The following ZFHX3 variants were observed in gnomAD, a reference collection of about 807,000 sequenced individuals.
The protein encoded by ZFHX3 is zinc finger homeobox protein 3.
Under a neutral mutation model 279.1 loss-of-function variants are expected in ZFHX3, and 42 were observed. The ratio of observed to expected loss-of-function variants is 0.15; its 90% CI spans 0.12 to 0.19. The LOEUF (loss-of-function observed/expected upper bound fraction) is 0.19. Among genes scored for constraint, ZFHX3 ranks in the 10% least tolerant of loss-of-function variants. The pLI is 1.00. For synonymous variants in ZFHX3, 2,293 were observed against 1,957.8 expected (o/e 1.17, Z -4.52); for missense variants, 4,981 against 4,754.0 (o/e 1.05, Z -1.40).
intron 7 of ZFHX3, among the ~76,000 whole-genome samples, chr16:73,107,943 C>T (rs909640876): frequency 2.0e-5 from 3 of 152,100 alleles, no homozygotes; most frequent in East Asian, 1.9e-4. Flanking sequence ...GGGCGGATCA[C>T]GAGGTCAGGA....
At chr16:73,839,775 G>A (rs983977381) in intron 1 of ZFHX3, among the ~76,000 whole-genome samples, 8 of 152,210 alleles carry the variant, frequency 5.3e-5, no homozygotes, top group Non-Finnish European at 8.8e-5. Flanking sequence ...CTAAGGGGAC[G>A]TGCTGCTGCC....
chr16:73,058,585 C>G (rs1223289278), exon 1 of ZFHX3: 1 of 240,164 alleles, frequency 4.2e-6, no homozygotes, highest in Non-Finnish European at 7.9e-6. Flanking sequence ...ACGGCGGCGG[C>G]GGCGGGAGCT....
intron 2 of ZFHX3, among the ~76,000 whole-genome samples, chr16:73,574,968 T>C (rs1261273525): frequency 2.0e-5 from 3 of 152,232 alleles, no homozygotes; most frequent in Non-Finnish European, 4.4e-5. Context: ...TTGTTCCATC[T>C]TTAAGTGTTT....
chr16:72,886,482 G>A lies in ZFHX3; in HGVS notation c.3448+3249C>T, dbSNP rs145646797. Among the ~76,000 whole-genome samples, 602 of 152,288 alleles carry A rather than the reference G, an allele frequency of 4.0e-3. 5 individuals are homozygous for A. The highest frequency in any genetic ancestry group is 0.033 in the Admixed American group (500 of 15,294). ...CACGGAAGCACTACATTCCAAAACA[G>A]GGAACTGTTTGTTCCAGGTCACCGA... On this transcript the variant is annotated intron_variant, in intron 4 of 9. Coordinates refer to ENST00000268489, the MANE Select transcript of ZFHX3 (RefSeq NM_006885.4).
chr16:73,067,144 C>T (rs1965765535), intron 8 of ZFHX3, among the ~76,000 whole-genome samples: 3 of 152,118 alleles, frequency 2.0e-5, no homozygotes, highest in South Asian at 4.1e-4. Flanking sequence ...TGGAGGGGTG[C>T]CTGTGCCTGC....
Position 73,333,802 on chromosome 16 carries a change from GACCAAAAAAAAAAA to G in ZFHX3, c.-1290-15480_-1290-15467del, listed in dbSNP as rs1240789511. On this transcript the variant is annotated intron_variant, in intron 3 of 17. Transcript: ENST00000641206. ...GTCAAAGGAAGTTTTCACCCCAAGA[GACCAAAAAAAAAAA>G]AAAAAAAAAAAAAAAGGTGGTCCCT... Among the ~76,000 whole-genome samples the G allele has an allele frequency of 1.6e-3, 69 of 42,232 alleles. 1 individual carries two copies. The South Asian group carries it at 0.061, about 37-fold the overall frequency. 27.7% of individuals were successfully genotyped at this position (42,232 alleles called of 152,430 possible). A position where few individuals can be genotyped will look rare whatever the true frequency, so the allele number is the denominator to read the frequency against.
chr16:73,778,231 A>G (rs1003158579), intron 1 of ZFHX3, among the ~76,000 whole-genome samples: 2 of 104,014 alleles, frequency 1.9e-5, no homozygotes, highest in Admixed American at 1.1e-4. Context: ...CTGTTGAAGG[A>G]GTGTTAAAAA....
chr16:73,658,238 A>T (rs978077072), intron 2 of ZFHX3, among the ~76,000 whole-genome samples: 6 of 152,214 alleles, frequency 3.9e-5, no homozygotes, highest in African/African-American at 9.6e-5. Flanking sequence ...TGGAAATTTT[A>T]AAAAATGTTT....
At position 72,958,825 on chromosome 16, in the gene ZFHX3, C is replaced by A; in HGVS notation, c.1321G>T (p.Gly441Ter). The A allele has an allele frequency of 6.2e-7, 1 of 1,614,162 alleles. No homozygotes were observed. ...SEGKDSGAAE[G>*]EKQEVGDGDC... ...CCGTCGCCCACTTCCTGCTTCTCTC[C>A]TTCTGCCGCCCCAGAGTCCTTGCCC... The change falls in exon 2 of 10, where the codon GGA becomes TGA. Residue 441 changes from glycine to a stop codon, truncating the protein, a stop_gained. Transcript: ENST00000268489. LOFTEE classifies it high-confidence loss of function.
chr16:72,798,818 C>G, intron 8 of ZFHX3, 104 bp from the exon 9 acceptor site: 1 of 1,447,440 alleles, frequency 6.9e-7, no homozygotes, highest in Non-Finnish European at 9.0e-7. Flanking sequence ...AACACAGAAT[C>G]TGATGATGAG....
intron 1 of ZFHX3, among the ~76,000 whole-genome samples, chr16:73,742,314 G>A (rs1597091021): frequency 6.6e-6 from 1 of 152,132 alleles, no homozygotes; most frequent in South Asian, 2.1e-4. Flanking sequence ...AAAGGATAGA[G>A]AGCCTGCAAG....
intron 4 of ZFHX3, among the ~76,000 whole-genome samples, chr16:72,864,056 G>A (rs2037952674): frequency 6.6e-6 from 1 of 152,188 alleles, no homozygotes; most frequent in East Asian, 1.9e-4. Context: ...GGCAGAGCTT[G>A]CAGTGAGCCG....
chr16:73,186,741 A>T (rs1413519070), intron 5 of ZFHX3, among the ~76,000 whole-genome samples: 1 of 152,194 alleles, frequency 6.6e-6, no homozygotes, highest in Non-Finnish European at 1.5e-5. Flanking sequence ...CAAGTTAAAA[A>T]AAATAGGGCA....
At chr16:73,624,284 C>A (rs1483208910) in intron 2 of ZFHX3, among the ~76,000 whole-genome samples, 1 of 152,120 alleles carries the variant, frequency 6.6e-6, no homozygotes, top group Non-Finnish European at 1.5e-5. Context: ...TTAGCTGTTT[C>A]AAATGCACCA....
At chr16:73,685,430 C>T (rs997829631) in intron 1 of ZFHX3, among the ~76,000 whole-genome samples, 27 of 152,304 alleles carry the variant, frequency 1.8e-4, no homozygotes, top group African/African-American at 6.0e-4. Flanking sequence ...AGGCCATGAG[C>T]CAAGGAATAC....
chr16:73,422,357 A>C (rs1045031581), intron 3 of ZFHX3, among the ~76,000 whole-genome samples: 2 of 152,160 alleles, frequency 1.3e-5, no homozygotes, highest in Non-Finnish European at 2.9e-5. Context: ...GTCTGAAACT[A>C]ATCTTCCTCC....
chr16:72,994,334 C>T (rs926894563), intron 1 of ZFHX3, among the ~76,000 whole-genome samples: 2 of 152,160 alleles, frequency 1.3e-5, no homozygotes, highest in East Asian at 1.9e-4. Flanking sequence ...ATATTTAAGT[C>T]GCTGTATTAC....
chr16:73,045,358 T>A (rs2144712561), intron 1 of ZFHX3, among the ~76,000 whole-genome samples: 1 of 152,340 alleles, frequency 6.6e-6, no homozygotes, highest in East Asian at 1.9e-4. Flanking sequence ...AAGCATCATT[T>A]AAAGTCATAA....
At chr16:73,025,478 C>T (rs944409224) in intron 1 of ZFHX3, among the ~76,000 whole-genome samples, 2 of 152,240 alleles carry the variant, frequency 1.3e-5, no homozygotes, top group African/African-American at 4.8e-5. Flanking sequence ...GGAGCCCTCA[C>T]GGACTCGATA....
Sources: allele counts gnomAD v4.1 joint callset (sites outside exome capture counted in the v4.1 genomes callset), GRCh38; gene constraint gnomAD v4.1.1; transcripts MANE v1.5; gene names NCBI Gene and HGNC (gene_info 2026-07-23, HGNC 2026-07-21).